The following ADAMTS6 variants were observed in gnomAD, a reference collection of about 807,000 sequenced individuals.
The protein encoded by ADAMTS6 is ADAM metallopeptidase with thrombospondin type 1 motif 6, also known as A disintegrin and metalloproteinase with thrombospondin motifs 6.
In ADAMTS6, 23 loss-of-function variants were observed where a neutral mutation model predicts 144.3. That is an observed-to-expected ratio of 0.16 (90% CI 0.11 to 0.23). ADAMTS6 has a LOEUF of 0.23. Among genes scored for constraint, ADAMTS6 ranks in the 10% least tolerant of loss-of-function variants. The pLI, the probability that ADAMTS6 is intolerant of heterozygous loss-of-function variation, is 1.00. For missense variants in ADAMTS6, 999 were observed against 1,379.6 expected, an observed-to-expected ratio of 0.72 and a Z score of 4.37; for synonymous variants, 444 against 457.5, an observed-to-expected ratio of 0.97 and a Z score of 0.38.
intron 11 of ADAMTS6, among the ~76,000 whole-genome samples, chr5:65,275,412 AAAGAAAAG>A (rs1160458629): frequency 1.3e-3 from 187 of 138,926 alleles, no homozygotes; most frequent in Admixed American, 5.1e-3. Flanking sequence ...AGAAAGAAAG[AAAGAAAAG>A]AAAGAAAGAA....
chr5:65,327,469 A>G (rs1746284083), intron 9 of ADAMTS6, among the ~76,000 whole-genome samples: 1 of 151,822 alleles, frequency 6.6e-6, no homozygotes, highest in Non-Finnish European at 1.5e-5. Context: ...AAATGGAAGC[A>G]TTTTTCTGGC....
At chr5:65,478,947 G>C (rs1288380142) in intron 1 of ADAMTS6, among the ~76,000 whole-genome samples, 3 of 152,178 alleles carry the variant, frequency 2.0e-5, no homozygotes, top group African/African-American at 7.2e-5. Flanking sequence ...TCAGTAGTCT[G>C]CCCTGATTGG....
intron 7 of ADAMTS6, among the ~76,000 whole-genome samples, chr5:65,405,841 C>T (rs1001193958): frequency 6.6e-6 from 1 of 152,108 alleles, no homozygotes; most frequent in Non-Finnish European, 1.5e-5. Flanking sequence ...GTTTGTAGTA[C>T]TCCTTGAAGA....
At chr5:65,408,514 A>C (rs1193177961) in intron 7 of ADAMTS6, among the ~76,000 whole-genome samples, 5 of 152,074 alleles carry the variant, frequency 3.3e-5, no homozygotes, top group African/African-American at 1.2e-4. Context: ...CCTTAGAGCC[A>C]TACAAAGAGA....
chr5:65,222,066 A>G (rs1363774615), intron 18 of ADAMTS6, among the ~76,000 whole-genome samples: 1 of 152,206 alleles, frequency 6.6e-6, no homozygotes, highest in Non-Finnish European at 1.5e-5. Context: ...ATTAACCTAT[A>G]GATTCCATAT....
chr5:65,205,664 G>C (rs140751902), intron 20 of ADAMTS6, among the ~76,000 whole-genome samples: 12 of 152,212 alleles, frequency 7.9e-5, no homozygotes, highest in African/African-American at 2.4e-4. Flanking sequence ...AGGGGCCAAG[G>C]CATGACAGAT....
chr5:65,430,022 T>C (rs544482313), intron 7 of ADAMTS6, among the ~76,000 whole-genome samples: 2 of 152,238 alleles, frequency 1.3e-5, no homozygotes, highest in Admixed American at 1.3e-4. Flanking sequence ...TTTTGTCTAC[T>C]CCAATAACAT....
intron 22 of ADAMTS6, among the ~76,000 whole-genome samples, chr5:65,184,046 G>T (rs894579279): frequency 4.6e-5 from 7 of 152,052 alleles, no homozygotes; most frequent in African/African-American, 1.7e-4. Flanking sequence ...CCTTATGTGG[G>T]TAAATGCCTA....
chr5:65,337,082 A>G (rs1184593155), intron 7 of ADAMTS6, among the ~76,000 whole-genome samples: 1 of 152,154 alleles, frequency 6.6e-6, no homozygotes, highest in Non-Finnish European at 1.5e-5. Flanking sequence ...TATATAATAT[A>G]GAATCAAGTT....
chr5:65,179,002 G>A (rs1290180262), intron 22 of ADAMTS6, among the ~76,000 whole-genome samples: 2 of 151,668 alleles, frequency 1.3e-5, no homozygotes, highest in African/African-American at 2.4e-5. Context: ...TACGTGGACG[G>A]GAGCTTCGCT....
chr5:65,344,554 C>T (rs1748144857), intron 7 of ADAMTS6, among the ~76,000 whole-genome samples: 1 of 151,828 alleles, frequency 6.6e-6, no homozygotes, highest in African/African-American at 2.4e-5. Context: ...GAAGAATTCT[C>T]TATTGTTGAA....
chr5:65,174,551 C>T (rs1380267648), intron 22 of ADAMTS6, among the ~76,000 whole-genome samples: 1 of 152,118 alleles, frequency 6.6e-6, no homozygotes, highest in East Asian at 1.9e-4. Flanking sequence ...GGAGTCTGGA[C>T]ATCTGAAACT....
intron 22 of ADAMTS6, among the ~76,000 whole-genome samples, chr5:65,175,338 G>C (rs1176511749): frequency 6.6e-6 from 1 of 151,226 alleles, no homozygotes; most frequent in Admixed American, 6.6e-5. Flanking sequence ...CAAAAAGAGA[G>C]AGACAGAAAG....
intron 20 of ADAMTS6, among the ~76,000 whole-genome samples, chr5:65,212,247 A>G (rs750240435): frequency 1.3e-5 from 2 of 152,106 alleles, no homozygotes; most frequent in African/African-American, 2.4e-5. Flanking sequence ...CATGCCCTCT[A>G]TATCCCTCAT....
chr5:65,371,221 C>G (rs1359682467), intron 7 of ADAMTS6, among the ~76,000 whole-genome samples: 1 of 152,224 alleles, frequency 6.6e-6, no homozygotes, highest in Non-Finnish European at 1.5e-5. Context: ...CACCTCTCCT[C>G]CTCCAAAGGA....
chr5:65,229,234 A>T (rs1225735505), intron 15 of ADAMTS6, among the ~76,000 whole-genome samples: 4 of 152,184 alleles, frequency 2.6e-5, no homozygotes, highest in Non-Finnish European at 4.4e-5. Context: ...TCCCCAAGAG[A>T]GAATAAGAGG....
At chr5:65,429,176 G>C (rs935589398) in intron 7 of ADAMTS6, among the ~76,000 whole-genome samples, 3 of 152,118 alleles carry the variant, frequency 2.0e-5, no homozygotes, top group African/African-American at 7.2e-5. Flanking sequence ...CTTCCAGAGG[G>C]TCCTCCTTAT....
intron 24 of ADAMTS6, among the ~76,000 whole-genome samples, chr5:65,163,599 C>A (rs192083084): frequency 6.6e-6 from 1 of 152,148 alleles, no homozygotes; most frequent in Non-Finnish European, 1.5e-5. Flanking sequence ...TTGAATTAGA[C>A]AGAGTTGATC....
Position 65,149,495 on chromosome 5 carries a change from G to C in ADAMTS6, c.*2341C>G, listed in dbSNP as rs1285607185. The C allele has an allele frequency of 6.6e-6, 1 of 152,288 alleles. No individual in the cohort carries two copies. The highest frequency in any genetic ancestry group is 1.5e-5 in the Non-Finnish European group (1 of 68,084). The allele number at this position is 152,288 out of a possible 1,614,324, so 9.4% of individuals were successfully genotyped here. A position where few individuals can be genotyped will look rare whatever the true frequency, so the allele number is the denominator to read the frequency against. On this transcript the variant is annotated 3_prime_UTR_variant, in exon 25 of 25. Coordinates refer to ENST00000381055, the MANE Select transcript of ADAMTS6 (RefSeq NM_197941.4). ...GCCTGCATTTTGTTCTCAGTGCTGG[G>C]GCACATCCCAGAAGTGACACTGACT...
Sources: allele counts gnomAD v4.1 joint callset (sites outside exome capture counted in the v4.1 genomes callset), GRCh38; gene constraint gnomAD v4.1.1; transcripts MANE v1.5; gene names NCBI Gene and HGNC (gene_info 2026-07-23, HGNC 2026-07-21).